PID1: variants seen among roughly 807,000 people sequenced by gnomAD.
PID1 encodes the protein PTB-containing, cubilin and LRP1-interacting protein.
PID1 carries 10 observed loss-of-function variants against 19.1 expected under a neutral mutation model. That is an observed-to-expected ratio of 0.52 (90% CI 0.32 to 0.89). PID1 has a LOEUF of 0.89. Ranked by LOEUF, PID1 falls within the 40% of genes least tolerant of loss-of-function variation. The pLI is 0.03. For synonymous variants in PID1, 130 were observed against 116.0 expected, an observed-to-expected ratio of 1.12 and a Z score of -0.78; for missense variants, 248 against 285.3, an observed-to-expected ratio of 0.87 and a Z score of 0.94.
At chr2:229,268,808 T>C (rs1422680730) in intron 1 of PID1, among the ~76,000 whole-genome samples, 2 of 151,904 alleles carry the variant, frequency 1.3e-5, no homozygotes, top group Admixed American at 6.6e-5. Flanking sequence ...CATGTTTCTA[T>C]ATCACGGTGA....
intron 2 of PID1, among the ~76,000 whole-genome samples, chr2:229,118,789 C>T (rs1035317823): frequency 7.2e-5 from 11 of 151,918 alleles, no homozygotes; most frequent in African/African-American, 2.7e-4. Flanking sequence ...CCTAAAAGGG[C>T]AGGATCTTTG....
At chr2:229,039,849 C>T (rs2106173049) in intron 2 of PID1, among the ~76,000 whole-genome samples, 1 of 152,192 alleles carries the variant, frequency 6.6e-6, no homozygotes, top group East Asian at 1.9e-4. Context: ...CATTCTATAA[C>T]AAAACTCTAT....
intron 1 of PID1, among the ~76,000 whole-genome samples, chr2:229,267,664 G>C (rs1287074872): frequency 6.6e-6 from 1 of 152,152 alleles, no homozygotes; most frequent in South Asian, 2.1e-4. Context: ...CATTTGCTCT[G>C]AGAAAATACT....
chr2:229,097,342 A>G (rs1220767771), intron 2 of PID1, among the ~76,000 whole-genome samples: 4 of 152,220 alleles, frequency 2.6e-5, no homozygotes, highest in Non-Finnish European at 5.9e-5. Flanking sequence ...CAGACTAGAT[A>G]TAAATCAGGG....
intron 2 of PID1, among the ~76,000 whole-genome samples, chr2:229,065,629 T>C (rs892028838): frequency 2.0e-5 from 3 of 149,672 alleles, no homozygotes; most frequent in African/African-American, 7.4e-5. Context: ...TCAAGGTTTA[T>C]TGAGGTCATT....
intron 1 of PID1, among the ~76,000 whole-genome samples, chr2:229,254,084 G>C (rs1014850050): frequency 1.3e-5 from 2 of 152,142 alleles, no homozygotes; most frequent in African/African-American, 4.8e-5. Context: ...ACTCCCGGGA[G>C]AAAGTGTCTA....
chr2:229,145,155 G>GTGTGTGTGTGTATATACATATATATA lies in PID1; in HGVS notation c.177+10662_177+10663insTATATATATGTATATACACACACACA, dbSNP rs1391018424. ...ATGCTGAGTTTAAATATATGTATGT[G>GTGTGTGTGTGTATATACATATATATA]TATATATATATATATATATATATAT... is the stretch of plus-strand genomic sequence containing the variant. On this transcript the variant is annotated intron_variant, in intron 2 of 2. Transcript: ENST00000392055. Among the ~76,000 whole-genome samples the GTGTGTGTGTGTATATACATATATATA allele has an allele frequency of 2.3e-3, 273 of 119,920 alleles. 3 individuals are homozygous for GTGTGTGTGTGTATATACATATATATA. The highest frequency in any genetic ancestry group is 7.9e-3 in the African/African-American group (251 of 31,694). The allele number at this position is 119,920 out of a possible 152,430, so 78.7% of individuals were successfully genotyped here.
chr2:229,204,114 T>C (rs370465842), intron 1 of PID1, among the ~76,000 whole-genome samples: 1 of 152,112 alleles, frequency 6.6e-6, no homozygotes, highest in Non-Finnish European at 1.5e-5. Context: ...ATACACACCA[T>C]GCCTGAACTC....
At chr2:229,153,538 G>A (rs1008900097) in intron 2 of PID1, among the ~76,000 whole-genome samples, 1 of 152,012 alleles carries the variant, frequency 6.6e-6, no homozygotes, top group Non-Finnish European at 1.5e-5. Flanking sequence ...CACATACCGA[G>A]GCCAGCGGAA....
rs143480169 is a variant in PID1, at chr2:229,257,317, G to A, written c.30+13697C>T. Among the ~76,000 whole-genome samples, 572 of 152,276 alleles carry A rather than the reference G, an allele frequency of 3.8e-3. 3 individuals carry two copies. The highest frequency in any genetic ancestry group is 0.013 in the African/African-American group (544 of 41,538). ...TCATGTGCCAGGGACAGTGCTAACT[G>A]CTCGTGTGACTTCCTCTAGCCTACC... On this transcript the variant is annotated intron_variant, in intron 1 of 2. Transcript: ENST00000392055.
chr2:229,088,785 T>G (rs1305694472), intron 2 of PID1, among the ~76,000 whole-genome samples: 1 of 152,152 alleles, frequency 6.6e-6, no homozygotes, highest in Non-Finnish European at 1.5e-5. Context: ...TCTGCTCTGC[T>G]GAGTAATTAT....
At chr2:229,151,594 G>A (rs1200833714) in intron 2 of PID1, among the ~76,000 whole-genome samples, 9 of 147,998 alleles carry the variant, frequency 6.1e-5, no homozygotes, top group South Asian at 2.1e-4. Context: ...TTTCTGAGAC[G>A]GAGTCTCGCT....
chr2:229,068,850 T>G (rs1057135268), intron 2 of PID1, among the ~76,000 whole-genome samples: 3 of 152,170 alleles, frequency 2.0e-5, no homozygotes, highest in African/African-American at 7.2e-5. Flanking sequence ...GGGTCCGCTA[T>G]TTTTAGTAAA....
intron 2 of PID1, among the ~76,000 whole-genome samples, chr2:229,077,524 C>T (rs906378450): frequency 6.6e-6 from 1 of 152,148 alleles, no homozygotes; most frequent in African/African-American, 2.4e-5. Context: ...TTAGGTCTTA[C>T]ATTTAAATCT....
chr2:229,047,136 T>C (rs1406453223), intron 2 of PID1, among the ~76,000 whole-genome samples: 1 of 152,214 alleles, frequency 6.6e-6, no homozygotes, highest in South Asian at 2.1e-4. Flanking sequence ...TGCTCATGCA[T>C]TTCGGAGCAG....
At chr2:229,133,084 G>A (rs1429384527) in intron 2 of PID1, among the ~76,000 whole-genome samples, 3 of 152,070 alleles carry the variant, frequency 2.0e-5, no homozygotes, top group African/African-American at 4.8e-5. Flanking sequence ...ACCTGGAGAC[G>A]GATTTATTTT....
chr2:229,163,495 G>A (rs972621625), intron 1 of PID1, among the ~76,000 whole-genome samples: 4 of 112,642 alleles, frequency 3.6e-5, no homozygotes, highest in Non-Finnish European at 7.8e-5. Flanking sequence ...CTTTGATCAT[G>A]GAAGCATTTT....
chr2:229,025,756 T>G lies in PID1; in HGVS notation c.530A>C (p.Lys177Thr), dbSNP rs965903527. ...GGCCTCCATCATGGCGTGGGCCAGTTTCTTGGCCTCGAGCTTGCTCTCGCA... is the reference window on the plus strand; with the variant it reads ...GGCCTCCATCATGGCGTGGGCCAGTGTCTTGGCCTCGAGCTTGCTCTCGCA... ...VECESKLEAK[K>T]LAHAMMEAFR... The change falls in exon 3 of 3, where the codon AAA becomes ACA. Residue 177 changes from lysine to threonine, a missense_variant. Lys to Thr is a moderately conservative substitution (Grantham distance 78, BLOSUM62 -1). Transcript: ENST00000392055. The G allele has an allele frequency of 1.7e-5, 27 of 1,614,252 alleles. No homozygotes were observed. Among genetic ancestry groups the G allele is most frequent in the Non-Finnish European group, 2.3e-5 (27 of 1,180,034 alleles).
chr2:229,187,299 C>A (rs1691153090), intron 1 of PID1, among the ~76,000 whole-genome samples: 1 of 152,136 alleles, frequency 6.6e-6, no homozygotes, highest in African/African-American at 2.4e-5. Flanking sequence ...CTCCTGGTAC[C>A]AATTTACTGT....
Sources: gnomAD v4.1 joint callset for allele counts (sites outside exome capture counted in the v4.1 genomes callset) on GRCh38, gnomAD v4.1.1 for gene constraint, MANE v1.5 for transcripts, NCBI Gene and HGNC (gene_info 2026-07-23, HGNC 2026-07-21) for gene names.